Variants in ZNF850 observed in about 807,000 individuals in gnomAD.
The protein encoded by ZNF850 is zinc finger protein 850.
A neutral mutation model predicts 11.9 loss-of-function variants in ZNF850; 2 were observed. The ratio of observed to expected loss-of-function variants is 0.17; its 90% CI spans 0.07 to 0.53. The LOEUF (loss-of-function observed/expected upper bound fraction) is 0.53. ZNF850 is among the 20% of genes least tolerant of loss of function. ZNF850 has a pLI of 0.94. For missense variants in ZNF850, 1,014 were observed against 1,316.4 expected (o/e 0.77, Z 3.55); for synonymous variants, 381 against 443.0 (o/e 0.86, Z 1.76).
intron 1 of ZNF850, among the ~76,000 whole-genome samples, chr19:36,771,842 T>C (rs1252432996): frequency 6.6e-6 from 1 of 152,076 alleles, no homozygotes; most frequent in Non-Finnish European, 1.5e-5. Context: ...CCTTATCACA[T>C]CCTGCTGGGC....
chr19:36,766,011 T>G (rs2040547252), intron 1 of ZNF850, among the ~76,000 whole-genome samples: 1 of 152,018 alleles, frequency 6.6e-6, no homozygotes, highest in Non-Finnish European at 1.5e-5. Context: ...GCCTCAGCCA[T>G]CAAAGTAGCT....
chr19:36,771,078 T>C (rs1182494926), intron 1 of ZNF850, among the ~76,000 whole-genome samples: 1 of 152,218 alleles, frequency 6.6e-6, no homozygotes, highest in Non-Finnish European at 1.5e-5. Flanking sequence ...TATGCACTAA[T>C]CTCTGCAGCA....
rs753113034 is a variant in ZNF850 at position 36,748,336 on chromosome 19, A to G, written c.2704T>C (p.Cys902Arg). The change falls in exon 5 of 5, where the codon TGT (cysteine) becomes CGT (arginine). Residue 902 changes from cysteine to arginine, a missense_variant. Around this residue, in one of 2 missense-constraint regions of ZNF850, gnomAD observed 179 missense variants for 294.4 expected, o/e 0.61. Transcript: ENST00000591344. ...GAACGACGTCTAAAGGCCTTGCCAC[A>G]TTCCTTACAATCATAGGGTTTCTCA... Reference protein sequence around the residue: ...TGEKPYDCKECGKAFRRRSKL... With the variant: ...TGEKPYDCKERGKAFRRRSKL... 1.6e-5 allele frequency: 25 copies of G among 1,594,126 alleles called. No individual in the cohort carries two copies. Among genetic ancestry groups the G allele is most frequent in the Non-Finnish European group, 2.1e-5 (25 of 1,173,156 alleles).
chr19:36,763,268 C>T (rs977645079), intron 1 of ZNF850, among the ~76,000 whole-genome samples: 6 of 152,028 alleles, frequency 3.9e-5, no homozygotes, highest in African/African-American at 7.2e-5. Context: ...TGGCTGGGCG[C>T]GGTGGCTCAC....
At chr19:36,768,216 A>C (rs867726095) in intron 1 of ZNF850, among the ~76,000 whole-genome samples, 2 of 152,262 alleles carry the variant, frequency 1.3e-5, no homozygotes, top group South Asian at 2.1e-4. Flanking sequence ...AAAAAAAAAA[A>C]AAACTATAAT....
In ZNF850 at chr19:36,749,335, A is replaced by C; in HGVS notation, c.1705T>G (p.Ser569Ala). The change falls in exon 5 of 5, where the codon TCT (serine) becomes GCT (alanine). Residue 569 changes from serine to alanine, a missense_variant. Transcript: ENST00000591344. ...KPYDCKECGK[S>A]FTSRSALIQH... ...ATTAGTGCTGAGCGAGAAGTAAAAG[A>C]TTTTCCACATTCTTTACAATCATAG... is the stretch of plus-strand genomic sequence containing the variant. 3 of 1,551,970 alleles carry C rather than the reference A, an allele frequency of 1.9e-6. No homozygotes were observed. Among genetic ancestry groups the C allele is most frequent in the Non-Finnish European group, 2.6e-6 (3 of 1,153,282 alleles).
At chr19:36,759,217 T>C (rs2040504457) in intron 4 of ZNF850, among the ~76,000 whole-genome samples, 1 of 152,196 alleles carries the variant, frequency 6.6e-6, no homozygotes, top group African/African-American at 2.4e-5. Context: ...ATGCCTGTAA[T>C]CCCAGCAGTT....
rs1005801335 is a variant in ZNF850 at position 36,744,519 on chromosome 19, C to T, written c.*3248G>A. ...GTGTGCGCCTGTAGTCCTTGCTACT[C>T]GGGAGGCTGAGGTGGGGGATCGATT... On this transcript the variant is annotated 3_prime_UTR_variant, in exon 5 of 5. Coordinates refer to ENST00000591344, the MANE Select transcript of ZNF850 (RefSeq NM_001193552.2). The T allele has an allele frequency of 5.9e-5, 9 of 151,294 alleles. No homozygotes were observed. Among genetic ancestry groups the T allele is most frequent in the Admixed American group, 2.0e-4 (3 of 15,178 alleles). The allele number at this position is 151,294 out of a possible 1,614,324, so 9.4% of individuals were successfully genotyped here.
Position 36,759,188 on chromosome 19 carries a change from C to A in ZNF850, c.235+2455G>T, listed in dbSNP as rs568438413. Among the ~76,000 whole-genome samples, 200 of 152,080 alleles carry A rather than the reference C, an allele frequency of 1.3e-3. 8 individuals are homozygous for A. In the South Asian group the frequency reaches 0.038, roughly 29 times the overall value. The stretch of plus-strand genomic sequence containing the variant: ...GAGCAGTCATTTTAAATAGAAGAAA[C>A]ACCTGGGCACAGTTGCTCATGCCTG... On this transcript the variant is annotated intron_variant, in intron 4 of 4. Coordinates refer to ENST00000591344, the MANE Select transcript of ZNF850 (RefSeq NM_001193552.2).
At position 36,750,013 on chromosome 19, in the gene ZNF850, C is replaced by T; in HGVS notation, c.1027G>A (p.Gly343Arg). Residue 343 changes from glycine (G) to arginine (R), a missense_variant, in exon 5 of 5, where the codon GGA (glycine) becomes AGA (arginine). Gly to Arg is a moderately radical substitution (Grantham distance 125). Coordinates refer to ENST00000591344, the MANE Select transcript of ZNF850 (RefSeq NM_001193552.2). ...GCTGAGCCTGAAGCAAAAGATTTTCCACATTCCTTACAATCATACGGTTTC... is the reference window on the plus strand; with the variant it reads ...GCTGAGCCTGAAGCAAAAGATTTTCTACATTCCTTACAATCATACGGTTTC... ...GEKPYDCKEC[G>R]KSFASGSALI... is the part of the protein sequence containing the mutation. 6.5e-7 allele frequency: 1 copy of T among 1,547,160 alleles called. No homozygotes were observed. The highest frequency in any genetic ancestry group is 8.7e-7 in the Non-Finnish European group (1 of 1,149,350).
At chr19:36,771,938 C>T (rs944147353) in intron 1 of ZNF850, among the ~76,000 whole-genome samples, 4 of 152,206 alleles carry the variant, frequency 2.6e-5, no homozygotes, top group Non-Finnish European at 4.4e-5. Context: ...CTGTAATTAC[C>T]CCAGCCTGGA....
rs765398286 is a variant in ZNF850 at position 36,749,970 on chromosome 19, C to G, written c.1070G>C (p.Arg357Pro). The change falls in exon 5 of 5, where the codon CGA becomes CCA. Residue 357 changes from arginine (R) to proline (P), a missense_variant. This residue lies in a region of ZNF850 where 835 missense variants were observed against 1,022.0 expected (regional missense o/e 0.82). Coordinates refer to ENST00000591344, the MANE Select transcript of ZNF850 (RefSeq NM_001193552.2). ...ASGSALIRHQ[R>P]IHTGEKPYDC... Reference sequence around the variant, plus strand: ...ATAGGGTTTCTCACCAGTGTGAATTCGCTGATGTCGAATTAGTGCTGAGCC... The same window carrying G: ...ATAGGGTTTCTCACCAGTGTGAATTGGCTGATGTCGAATTAGTGCTGAGCC... 1 of 1,563,256 alleles carries G rather than the reference C, an allele frequency of 6.4e-7. No individual in the cohort carries two copies. Among genetic ancestry groups the G allele is most frequent in the Non-Finnish European group, 8.6e-7 (1 of 1,157,234 alleles).
Position 36,747,432 on chromosome 19 carries a change from A to G in ZNF850, c.*335T>C, listed in dbSNP as rs2040417738. ...ATCACCAGGTCAGGAGATCGAGACCATCCTGGCTAACACAGTGAAACCCTG... is the reference window on the plus strand; with the variant it reads ...ATCACCAGGTCAGGAGATCGAGACCGTCCTGGCTAACACAGTGAAACCCTG... On this transcript the variant is annotated 3_prime_UTR_variant, in exon 5 of 5. Transcript: ENST00000591344. 3 of 187,932 alleles carry G rather than the reference A, an allele frequency of 1.6e-5. No homozygotes were observed. In the South Asian group the frequency reaches 4.1e-4, roughly 26 times the overall value. 11.6% of individuals were successfully genotyped at this position (187,932 alleles called of 1,614,324 possible).
rs58851544 is a variant in ZNF850, at chr19:36,753,422, C to CAAAAAAAAAAAAAAAA, written c.236-2634_236-2619dup. Among the ~76,000 whole-genome samples the CAAAAAAAAAAAAAAAA allele has an allele frequency of 4.3e-5, 2 of 46,654 alleles. 1 individual carries two copies. The highest frequency in any genetic ancestry group is 7.9e-5 in the Non-Finnish European group (2 of 25,382). 30.6% of individuals were successfully genotyped at this position (46,654 alleles called of 152,430 possible). On this transcript the variant is annotated intron_variant, in intron 4 of 4. Transcript: ENST00000591344. Reference sequence around the variant, plus strand: ...TGGGCAACAGCCTGGGACACTGTCTCAAAAAAAAAAAAAAAAAAAAAAAAG... The same window carrying CAAAAAAAAAAAAAAAA: ...TGGGCAACAGCCTGGGACACTGTCTCAAAAAAAAAAAAAAAAAAAAAAAAAAAAAAAAAAAAAAAAG...
rs1178577419 is a variant in ZNF850 at position 36,748,028 on chromosome 19, A to G, written c.3012T>C (p.Thr1004=). The G allele has an allele frequency of 4.4e-6, 7 of 1,589,958 alleles. No homozygotes were observed. The highest frequency in any genetic ancestry group is 6.0e-6 in the Non-Finnish European group (7 of 1,170,524). Residue 1004 remains threonine, a synonymous_variant, in exon 5 of 5, where the codon ACT becomes ACC. Transcript: ENST00000591344. ...SELIRHQRTH[T]GEKPYDCKEC... ...CCTTACAATCATAAGGTTTCTCACC[A>G]GTGTGAGTTCGCTGATGTCGAATTA...
rs1231487896 is a variant in ZNF850 at position 36,750,172 on chromosome 19, A to G, written c.868T>C (p.Phe290Leu). The change falls in exon 5 of 5, where the codon TTT becomes CTT. Residue 290 changes from phenylalanine (F) to leucine (L), a missense_variant. By Grantham distance (22) the Phe-to-Leu change is conservative. Coordinates refer to ENST00000591344, the MANE Select transcript of ZNF850 (RefSeq NM_001193552.2). ...PYECKECGKS[F>L]TSGSTLNQHQ... ...TGATTTAGTGTTGAGCCAGAAGTAA[A>G]AGATTTCCCACATTCTTTACATTCA... The G allele has an allele frequency of 1.9e-6, 3 of 1,539,126 alleles. No homozygotes were observed.
At chr19:36,755,643 G>C (rs826983) in intron 4 of ZNF850, among the ~76,000 whole-genome samples, 124,137 of 151,120 alleles carry the variant, frequency 0.82, 51,746 homozygotes, top group Non-Finnish European at 0.88. Context: ...TCAACTCAAC[G>C]CTCAAAATAT....
chr19:36,759,038 G>A (rs557293389), intron 4 of ZNF850, among the ~76,000 whole-genome samples: 4 of 151,824 alleles, frequency 2.6e-5, no homozygotes, highest in South Asian at 2.1e-4. Context: ...AGCCAAGATC[G>A]TGCCACAGCA....
chr19:36,771,944 C>G (rs1421726515), intron 1 of ZNF850, among the ~76,000 whole-genome samples: 1 of 152,220 alleles, frequency 6.6e-6, no homozygotes, highest in African/African-American at 2.4e-5. Context: ...TTACCCCAGC[C>G]TGGAAGCGGC....
Sources: gnomAD v4.1 joint callset for allele counts (sites outside exome capture counted in the v4.1 genomes callset) on GRCh38, gnomAD v4.1.1 for gene constraint, gnomAD v4.1.1 regional missense constraint, MANE v1.5 for transcripts, NCBI Gene and HGNC (gene_info 2026-07-23, HGNC 2026-07-21) for gene names.